The following NDUFAF6 variants were observed in gnomAD, a reference collection of about 807,000 sequenced individuals.
The protein encoded by NDUFAF6 is NADH dehydrogenase (ubiquinone) complex I, assembly factor 6.
NDUFAF6 carries 45 observed loss-of-function variants against 40.8 expected under a neutral mutation model. The observed-to-expected ratio is 1.10, with a 90% CI of 0.87 to 1.42. The LOEUF (loss-of-function observed/expected upper bound fraction) is 1.42. Ranked by LOEUF, NDUFAF6 falls within the 40% of genes most tolerant of loss-of-function variation. The pLI, the probability that NDUFAF6 is intolerant of heterozygous loss-of-function variation, is 0.00. For synonymous variants in NDUFAF6, 185 were observed against 155.9 expected (o/e 1.19, Z -1.39); for missense variants, 435 against 418.5 (o/e 1.04, Z -0.34).
At chr8:94,898,625 C>T (rs1432243489) in intron 1 of NDUFAF6, among the ~76,000 whole-genome samples, 1 of 152,164 alleles carries the variant, frequency 6.6e-6, no homozygotes, top group Non-Finnish European at 1.5e-5. Flanking sequence ...TAAAATTACT[C>T]TTTTTCCTCC....
At chr8:94,940,094 C>T (rs368791601) in intron 1 of NDUFAF6, 39 of 1,614,104 alleles carry the variant, frequency 2.4e-5, no homozygotes, top group Non-Finnish European at 3.1e-5. Context: ...GCAGGAATCA[C>T]TTGTATCAGC....
At chr8:95,015,952 C>T (rs2678829) in intron 2 of NDUFAF6, among the ~76,000 whole-genome samples, 115,053 of 152,084 alleles carry the variant, frequency 0.76, 44,065 homozygotes, top group East Asian at 0.94. Context: ...AAATGACATA[C>T]GCAAAGGCTT....
At chr8:94,954,427 C>T (rs543304715), upstream of NDUFAF6, among the ~76,000 whole-genome samples, 18 of 152,286 alleles carry the variant, frequency 1.2e-4, no homozygotes, top group South Asian at 2.1e-4. Context: ...GTGAACAAAA[C>T]AGAAAAGTCT....
Position 95,025,070 on chromosome 8 carries a change from G to A in NDUFAF6, c.62G>A (p.Cys21Tyr). ...TTGCGGCTTGGCATCCCCGGCCTGT[G>A]CTGCCGCCGGCCGCCTCTGGGTCTG... is the stretch of plus-strand genomic sequence containing the variant. ...GPLRLGIPGL[C>Y]CRRPPLGLYA... The change falls in exon 1 of 9, where the codon TGC becomes TAC. Residue 21 changes from cysteine to tyrosine, a missense_variant. Coordinates refer to ENST00000396124, the MANE Select transcript of NDUFAF6 (RefSeq NM_152416.4). 2 of 1,442,626 alleles carry A rather than the reference G, an allele frequency of 1.4e-6. No individual in the cohort carries two copies. The highest frequency in any genetic ancestry group is 1.4e-5 in the South Asian group (1 of 70,172). The allele number at this position is 1,442,626 out of a possible 1,614,324, so 89.4% of individuals were successfully genotyped here.
rs1156511534 is a variant in NDUFAF6, at chr8:94,903,626, TC to T, written c.-936+7700del. ...ATTTCAGGACAGTGGCATCTTGGGT[TC>T]GGGGGGAGTTTATAATAGGCTTCAG... is the stretch of plus-strand genomic sequence containing the variant. On this transcript the variant is annotated intron_variant, in intron 1 of 14. Transcript: ENST00000396113. Among the ~76,000 whole-genome samples the T allele has an allele frequency of 5.9e-5, 9 of 152,342 alleles. No homozygotes were observed. The South Asian group carries it at 1.7e-3, about 28-fold the overall frequency.
intron 2 of NDUFAF6, among the ~76,000 whole-genome samples, chr8:95,094,379 CTTCTTTCTTTTCTT>C (rs1415022299): frequency 4.0e-5 from 1 of 25,006 alleles, no homozygotes; most frequent in African/African-American, 2.1e-4. Flanking sequence ...CTTTTCTTTC[CTTCTTTCTTTTCTT>C]TTCTTTCTTT....
intron 7 of NDUFAF6, among the ~76,000 whole-genome samples, chr8:95,048,960 T>C (rs1831125666): frequency 6.6e-6 from 1 of 152,198 alleles, no homozygotes; most frequent in South Asian, 2.1e-4. Context: ...TTTTATCTTC[T>C]GGTTTGTTGC....
upstream of NDUFAF6, among the ~76,000 whole-genome samples, chr8:94,953,509 G>A (rs1586788157): frequency 6.6e-6 from 1 of 152,200 alleles, no homozygotes. Context: ...GATGTGACTC[G>A]TTCTTGGGGC....
intron 2 of NDUFAF6, among the ~76,000 whole-genome samples, chr8:95,007,653 G>A (rs1827053056): frequency 6.8e-6 from 1 of 147,166 alleles, no homozygotes; most frequent in Admixed American, 6.9e-5. Flanking sequence ...AACAGTGTGA[G>A]GCTCTGTTTT....
chr8:95,008,355 C>T (rs1233833512), intron 2 of NDUFAF6, among the ~76,000 whole-genome samples: 1 of 152,162 alleles, frequency 6.6e-6, no homozygotes, highest in Non-Finnish European at 1.5e-5. Flanking sequence ...TAAGATCAGT[C>T]TCTCTCCCAA....
chr8:94,922,306 G>A (rs962142370), intron 1 of NDUFAF6, among the ~76,000 whole-genome samples: 7 of 151,744 alleles, frequency 4.6e-5, no homozygotes, highest in African/African-American at 7.3e-5. Flanking sequence ...CACCGAGTCC[G>A]GCCAAATCCG....
intron 9 of NDUFAF6, chr8:95,068,876 C>G (rs1176577023): frequency 6.6e-6 from 1 of 151,674 alleles, no homozygotes; most frequent in South Asian, 2.1e-4. Context: ...TTTTTTTCAG[C>G]CCCAAAGACC....
upstream of NDUFAF6, among the ~76,000 whole-genome samples, chr8:95,099,023 C>T (rs1809567429): frequency 6.6e-6 from 1 of 151,932 alleles, no homozygotes. Context: ...GGCAGATCAC[C>T]TGAGGTCAGG....
intron 1 of NDUFAF6, among the ~76,000 whole-genome samples, chr8:94,972,323 C>T (rs1252450543): frequency 2.6e-5 from 4 of 152,066 alleles, no homozygotes; most frequent in Non-Finnish European, 5.9e-5. Context: ...CTCACTGCAA[C>T]CTCTGCCTCC....
downstream of NDUFAF6, among the ~76,000 whole-genome samples, chr8:95,059,705 C>G (rs1208061326): frequency 6.6e-6 from 1 of 152,028 alleles, no homozygotes; most frequent in Non-Finnish European, 1.5e-5. Context: ...AAAAATCAGC[C>G]AGGTGTTGTG....
intron 1 of NDUFAF6, among the ~76,000 whole-genome samples, chr8:94,968,778 C>T (rs561228654): frequency 2.8e-4 from 43 of 152,276 alleles, no homozygotes; most frequent in Middle Eastern, 6.8e-3. Context: ...AGTTGGGATT[C>T]TACTGCAGTG....
intron 2 of NDUFAF6, among the ~76,000 whole-genome samples, chr8:95,004,735 GTGAGGGC>G (rs2131653506): frequency 6.6e-6 from 1 of 152,276 alleles, no homozygotes; most frequent in Non-Finnish European, 1.5e-5. Flanking sequence ...AACAAAGGTA[GTGAGGGC>G]TTGCACCAGG....
intron 3 of NDUFAF6, 23 bp from the exon 4 acceptor site, chr8:95,041,547 T>G (rs775729962): frequency 7.5e-6 from 11 of 1,471,374 alleles, no homozygotes; most frequent in Non-Finnish European, 1.0e-5. Context: ...TTCTAAAAAC[T>G]TATAATGCTC....
At chr8:94,972,549 C>A (rs905539039) in intron 1 of NDUFAF6, among the ~76,000 whole-genome samples, 9 of 152,066 alleles carry the variant, frequency 5.9e-5, no homozygotes, top group Non-Finnish European at 1.0e-4. Flanking sequence ...ACAATGTGAT[C>A]TTTAAAATAG....
Sources: allele counts gnomAD v4.1 joint callset (sites outside exome capture counted in the v4.1 genomes callset), GRCh38; gene constraint gnomAD v4.1.1; transcripts MANE v1.5; gene names NCBI Gene and HGNC (gene_info 2026-07-23, HGNC 2026-07-21).